FAM135A: variants seen among roughly 807,000 people sequenced by gnomAD.
The protein encoded by FAM135A is family with sequence similarity 135 member A.
Under a neutral mutation model 146.8 loss-of-function variants are expected in FAM135A, and 79 were observed. The observed-to-expected ratio is 0.54, with a 90% CI of 0.45 to 0.65. FAM135A has a LOEUF of 0.65. Among genes scored for constraint, FAM135A ranks in the 30% least tolerant of loss-of-function variants. The probability of loss-of-function intolerance (pLI) is 0.00; values close to 1 mark genes in which losing one functional copy is unlikely to be tolerated. For missense variants in FAM135A, 1,623 were observed against 1,758.2 expected, an observed-to-expected ratio of 0.92 and a Z score of 1.38; for synonymous variants, 562 against 603.6, an observed-to-expected ratio of 0.93 and a Z score of 1.01.
chr6:70,456,528 C>G (rs1778401522), intron 5 of FAM135A, among the ~76,000 whole-genome samples: 1 of 152,140 alleles, frequency 6.6e-6, no homozygotes, highest in African/African-American at 2.4e-5. Context: ...TTTTGAATGT[C>G]AGAATTATTC....
chr6:70,494,230 CT>C (rs1206499931), intron 11 of FAM135A, among the ~76,000 whole-genome samples: 10 of 151,722 alleles, frequency 6.6e-5, no homozygotes, highest in Non-Finnish European at 1.5e-4. Flanking sequence ...CTTTTTTCAT[CT>C]TTTTTTGTTT....
intron 5 of FAM135A, among the ~76,000 whole-genome samples, chr6:70,460,667 T>C (rs1779249618): frequency 6.6e-6 from 1 of 152,112 alleles, no homozygotes; most frequent in Admixed American, 6.6e-5. Context: ...GATAGCTAGC[T>C]AAGAATATTT....
rs146437206 is a variant in FAM135A at position 70,474,292 on chromosome 6, T to C, written c.158-1118T>C. On this transcript the variant is annotated intron_variant, in intron 5 of 21. Coordinates refer to ENST00000418814, the MANE Select transcript of FAM135A (RefSeq NM_001162529.3). ...TCTTTTTCTTTTTCTTTTTTTTCTC[T>C]AGTTTCAATTGTTATTTCTGGAGCA... Among the ~76,000 whole-genome samples the C allele has an allele frequency of 2.0e-5, 3 of 152,274 alleles. No individual in the cohort carries two copies. The East Asian group carries it at 5.8e-4, about 29-fold the overall frequency.
chr6:70,489,280 C>T (rs1398822676), intron 10 of FAM135A, among the ~76,000 whole-genome samples: 1 of 152,100 alleles, frequency 6.6e-6, no homozygotes, highest in Non-Finnish European at 1.5e-5. Context: ...ATATTAGAAG[C>T]CACTGGTTTA....
chr6:70,501,887 G>T (rs1353006111), intron 11 of FAM135A, among the ~76,000 whole-genome samples: 1 of 152,198 alleles, frequency 6.6e-6, no homozygotes, highest in Non-Finnish European at 1.5e-5. Flanking sequence ...GGGAGCTGCA[G>T]ACCAGAGCTG....
intron 10 of FAM135A, among the ~76,000 whole-genome samples, chr6:70,490,583 G>A (rs1184742217): frequency 6.6e-6 from 1 of 151,898 alleles, no homozygotes; most frequent in African/African-American, 2.4e-5. Context: ...TACACACCAG[G>A]TATGTTTTAA....
At chr6:70,462,992 T>G (rs1293454473) in intron 5 of FAM135A, among the ~76,000 whole-genome samples, 2 of 152,220 alleles carry the variant, frequency 1.3e-5, no homozygotes, top group Non-Finnish European at 2.9e-5. Flanking sequence ...TTCAGGGCCT[T>G]CCTTTGAGAG....
At chr6:70,429,165 C>G (rs1176580345) in intron 4 of FAM135A, among the ~76,000 whole-genome samples, 1 of 152,082 alleles carries the variant, frequency 6.6e-6, no homozygotes, top group Admixed American at 6.6e-5. Flanking sequence ...CAGCATGATT[C>G]AGTACAGCCA....
chr6:70,468,544 A>C (rs1312736168), intron 5 of FAM135A, among the ~76,000 whole-genome samples: 2 of 152,210 alleles, frequency 1.3e-5, no homozygotes, highest in Non-Finnish European at 2.9e-5. Context: ...CAGGAAGCTC[A>C]TGCTGCTTGC....
chr6:70,558,363 A>G (rs1244715743), intron 21 of FAM135A, among the ~76,000 whole-genome samples: 1 of 152,230 alleles, frequency 6.6e-6, no homozygotes, highest in Non-Finnish European at 1.5e-5. Flanking sequence ...TTCCATGGAC[A>G]CTGTTAGTAC....
At chr6:70,450,212 G>C (rs958470948) in intron 4 of FAM135A, among the ~76,000 whole-genome samples, 1 of 151,958 alleles carries the variant, frequency 6.6e-6, no homozygotes, top group Non-Finnish European at 1.5e-5. Flanking sequence ...TTCCAAATCT[G>C]TGGGTTGTTT....
rs748391712 is a variant in FAM135A at position 70,450,195 on chromosome 6, T to G, written c.78-2297T>G. ...ATGTATGGTTTGCAAATATTTAAAC[T>G]TTTTTTTTCCAAATCTGTGGGTTGT... On this transcript the variant is annotated intron_variant, in intron 4 of 21. Transcript: ENST00000418814. 8.6e-5 allele frequency among the ~76,000 whole-genome samples: 13 copies of G among 151,798 alleles called. No individual in the cohort carries two copies. The South Asian group carries it at 2.5e-3, about 29-fold the overall frequency.
At chr6:70,531,192 T>TA (rs1170217730) in intron 16 of FAM135A, among the ~76,000 whole-genome samples, 1 of 152,178 alleles carries the variant, frequency 6.6e-6, no homozygotes, top group Non-Finnish European at 1.5e-5. Flanking sequence ...GATAAGCAGA[T>TA]ATTATCATTC....
chr6:70,514,235 T>A (rs1791694957), intron 12 of FAM135A, among the ~76,000 whole-genome samples: 1 of 152,164 alleles, frequency 6.6e-6, no homozygotes, highest in Admixed American at 6.6e-5. Context: ...GTCTTCAGAT[T>A]CATTAACTCT....
intron 11 of FAM135A, among the ~76,000 whole-genome samples, chr6:70,500,775 C>T (rs1445409065): frequency 6.6e-6 from 1 of 152,206 alleles, no homozygotes; most frequent in Non-Finnish European, 1.5e-5. Context: ...TGGAGGTCCA[C>T]TCCAGGCCCT....
intron 10 of FAM135A, among the ~76,000 whole-genome samples, chr6:70,484,073 C>G (rs1285770887): frequency 6.6e-6 from 1 of 152,182 alleles, no homozygotes; most frequent in African/African-American, 2.4e-5. Context: ...TAACAGTGTA[C>G]TTCCCTTGGG....
At chr6:70,513,923 G>A (rs1332560280) in intron 12 of FAM135A, among the ~76,000 whole-genome samples, 2 of 151,522 alleles carry the variant, frequency 1.3e-5, no homozygotes, top group Non-Finnish European at 2.9e-5. Context: ...TTTTCTCCTT[G>A]TCTTTGTTTT....
In FAM135A at chr6:70,477,270, C is replaced by G. The variant is rs756481249; in HGVS notation, c.480C>G (p.His160Gln). 1.2e-6 allele frequency: 2 copies of G among 1,613,620 alleles called. No homozygotes were observed. Among genetic ancestry groups the G allele is most frequent in the Non-Finnish European group, 8.5e-7 (1 of 1,179,728 alleles). Residue 160 changes from histidine (H) to glutamine (Q), a missense_variant, in exon 8 of 22, where the codon CAC becomes CAG. Coordinates refer to ENST00000418814, the MANE Select transcript of FAM135A (RefSeq NM_001162529.3). ...HHVNVMFDYF[H>Q]LSVVSVTVHA... ...TTAATGTTATGTTTGATTACTTCCACCTTTCTGTTGTGTCTGTTACAGTTC... is the reference window on the plus strand; with the variant it reads ...TTAATGTTATGTTTGATTACTTCCAGCTTTCTGTTGTGTCTGTTACAGTTC...
At position 70,502,648 on chromosome 6, in the gene FAM135A, C is replaced by T. The variant is rs753576318; in HGVS notation, c.886C>T (p.Pro296Ser). 2 of 1,608,188 alleles carry T rather than the reference C, an allele frequency of 1.2e-6. No homozygotes were observed. The highest frequency in any genetic ancestry group is 1.7e-6 in the Non-Finnish European group (2 of 1,177,632). ...CTTTTCATTTCAGAAAATAGAGAAT[C>T]CTGATGAACTGGCAGAACTTATAAA... is the stretch of plus-strand genomic sequence containing the variant. ...LCEEVKKIEN[P>S]DELAELINMN... The change falls in exon 12 of 22, where the codon CCT (proline) becomes TCT (serine). Residue 296 changes from proline (P) to serine (S), a missense_variant. Physicochemically the swap from Pro to Ser is moderately conservative, Grantham distance 74. Coordinates refer to ENST00000418814, the MANE Select transcript of FAM135A (RefSeq NM_001162529.3).
Sources: gnomAD v4.1 joint callset for allele counts (sites outside exome capture counted in the v4.1 genomes callset) on GRCh38, gnomAD v4.1.1 for gene constraint, MANE v1.5 for transcripts, NCBI Gene and HGNC (gene_info 2026-07-23, HGNC 2026-07-21) for gene names.